MAN2C1: variants seen among roughly 807,000 people sequenced by gnomAD.
MAN2C1 encodes mannosidase alpha class 2C member 1.
Under a neutral mutation model 126.9 loss-of-function variants are expected in MAN2C1, and 111 were observed. That is an observed-to-expected ratio of 0.87 (90% confidence interval 0.75 to 1.02). The LOEUF (loss-of-function observed/expected upper bound fraction) is 1.02. Among genes scored for constraint, MAN2C1 ranks in the 50% least tolerant of loss-of-function variants. The pLI, the probability that MAN2C1 is intolerant of heterozygous loss-of-function variation, is 0.00. For missense variants in MAN2C1, 1,363 were observed against 1,364.4 expected (o/e 1.00, Z 0.02); for synonymous variants, 567 against 561.5 (o/e 1.01, Z -0.14).
chr15:75,366,696 T>A (rs974175827), intron 3 of MAN2C1, 104 bp from the exon 4 acceptor site: 2 of 802,506 alleles, frequency 2.5e-6, no homozygotes, highest in Non-Finnish European at 3.9e-6. Context: ...TTCCCAGCTC[T>A]GGGTCCTCTC....
At position 75,359,641 on chromosome 15, in the gene MAN2C1, G is replaced by A. The variant is rs1412022332; in HGVS notation, c.1927C>T (p.Pro643Ser). The A allele has an allele frequency of 1.2e-6, 2 of 1,614,108 alleles. No homozygotes were observed. The highest frequency in any genetic ancestry group is 8.5e-7 in the Non-Finnish European group (1 of 1,180,028). The change falls in exon 16 of 26, where the codon CCG becomes TCG. Residue 643 changes from proline to serine, a missense_variant. Coordinates refer to ENST00000267978, the MANE Select transcript of MAN2C1 (RefSeq NM_006715.4). ...GTACCTAGGCTGTGGGCCCCGCCCG[G>A]TTTGGGCAGGGCCATCACTTCGATC... is the stretch of plus-strand genomic sequence containing the variant. ...KRIEVMALPK[P>S]GGAHSLALVT... is the part of the protein sequence containing the mutation.
chr15:75,368,589 G>A lies in MAN2C1; in HGVS notation c.-6C>T. ...AAGGCCGGCGCAGCCGCCATCGCCG[G>A]GCTCTCGCTCCTCTTTCCGGAAGGC... On this transcript the variant is annotated 5_prime_UTR_variant, in exon 1 of 26. Transcript: ENST00000267978. 2.6e-6 allele frequency: 4 copies of A among 1,538,818 alleles called. No individual in the cohort carries two copies. Among genetic ancestry groups the A allele is most frequent in the Non-Finnish European group, 3.5e-6 (4 of 1,142,680 alleles).
In MAN2C1 at chr15:75,355,903, G is replaced by T. The variant is rs775117015; in HGVS notation, c.*3C>A. Reference sequence around the variant, plus strand: ...CTACAAACAAAACCCCAGCCCCAGGGACTCAGTGTGGCGGAGGCTGAAGCA... The same window carrying T: ...CTACAAACAAAACCCCAGCCCCAGGTACTCAGTGTGGCGGAGGCTGAAGCA... On this transcript the variant is annotated 3_prime_UTR_variant, in exon 26 of 26. Coordinates refer to ENST00000267978, the MANE Select transcript of MAN2C1 (RefSeq NM_006715.4). The T allele has an allele frequency of 6.2e-7, 1 of 1,614,146 alleles. No homozygotes were observed. The highest frequency in any genetic ancestry group is 1.7e-5 in the Admixed American group (1 of 60,028).
At position 75,362,674 on chromosome 15, in the gene MAN2C1, G is replaced by C; in HGVS notation, c.865C>G (p.Arg289Gly). 1 of 1,614,112 alleles carries C rather than the reference G, an allele frequency of 6.2e-7. No individual in the cohort carries two copies. The highest frequency in any genetic ancestry group is 8.5e-7 in the Non-Finnish European group (1 of 1,180,000). Residue 289 changes from arginine to glycine, a missense_variant, in exon 7 of 26, where the codon CGG (arginine) becomes GGG (glycine). Around this residue, in one of 3 missense-constraint regions of MAN2C1, gnomAD observed 628 missense variants for 609.8 expected, o/e 1.03. Coordinates refer to ENST00000267978, the MANE Select transcript of MAN2C1 (RefSeq NM_006715.4). The surrounding 1 kb of genome is among the most constrained non-coding windows in gnomAD (Gnocchi z 4.5). ...CAGGCAAAGATGAACTCAGGGTTCC[G>C]CTCCATGAGCTGCAGGGCGGTCACC... is the stretch of plus-strand genomic sequence containing the variant. The part of the protein sequence containing the change: ...SWVTALQLME[R>G]NPEFIFACSQ...
Position 75,355,796 on chromosome 15 carries a change from C to T in MAN2C1, c.*110G>A, listed in dbSNP as rs2072272973. The T allele has an allele frequency of 1.2e-5, 16 of 1,384,610 alleles. No homozygotes were observed. Among genetic ancestry groups the T allele is most frequent in the East Asian group, 4.8e-5 (2 of 41,266 alleles). The allele number at this position is 1,384,610 out of a possible 1,614,324, so 85.8% of individuals were successfully genotyped here. On this transcript the variant is annotated 3_prime_UTR_variant, in exon 26 of 26. Transcript: ENST00000267978. Reference sequence around the variant, plus strand: ...TAAGGGGACTGAGCAGCAGGGTTCCCGATCCAAGGATTTATTCCACAAGAA... The same window carrying T: ...TAAGGGGACTGAGCAGCAGGGTTCCTGATCCAAGGATTTATTCCACAAGAA...
In MAN2C1 at chr15:75,356,483, A is replaced by G. The variant is rs1401957960; in HGVS notation, c.2738-34T>C. On this transcript the variant is annotated intron_variant, in intron 23 of 25. Transcript: ENST00000267978. The surrounding 1 kb of genome is among the most constrained non-coding windows in gnomAD (Gnocchi z 5.8). ...CGACCAGGAAACAATGCTGGTGGAGAATGGGGGCTACCCTCCCCTGTCCCT... is the reference window on the plus strand; with the variant it reads ...CGACCAGGAAACAATGCTGGTGGAGGATGGGGGCTACCCTCCCCTGTCCCT... 5 of 1,574,816 alleles carry G rather than the reference A, an allele frequency of 3.2e-6. No homozygotes were observed. The highest frequency in any genetic ancestry group is 4.3e-6 in the Non-Finnish European group (5 of 1,162,228).
In MAN2C1 at chr15:75,359,987, G is replaced by A; in HGVS notation, c.1708C>T (p.Leu570Phe). ...TCATGGAACTGGTTCAGAAGAAGGA[G>A]CCTGCAGGGGCCAAGGGCAGGGATG... ...PAAQLQHLWR[L>F]LLLNQFHDVV... The change falls in exon 15 of 26, where the codon CTC becomes TTC. Residue 570 changes from leucine (L) to phenylalanine (F), a missense_variant and splice_region_variant. Around this residue, in one of 3 missense-constraint regions of MAN2C1, gnomAD observed 668 missense variants for 650.1 expected, o/e 1.03. Coordinates refer to ENST00000267978, the MANE Select transcript of MAN2C1 (RefSeq NM_006715.4). 9 of 1,614,102 alleles carry A rather than the reference G, an allele frequency of 5.6e-6. No homozygotes were observed. Among genetic ancestry groups the A allele is most frequent in the Non-Finnish European group, 7.6e-6 (9 of 1,179,974 alleles).
intron 3 of MAN2C1, among the ~76,000 whole-genome samples, chr15:75,367,081 A>G (rs1389143897): frequency 2.0e-5 from 3 of 152,072 alleles, no homozygotes; most frequent in Non-Finnish European, 4.4e-5. Context: ...CCAGATTGAG[A>G]GTCAGTCCAA....
In MAN2C1 at chr15:75,364,199, G is replaced by A. The variant is rs1555437093; in HGVS notation, c.601-11C>T. 1.3e-5 allele frequency: 21 copies of A among 1,602,084 alleles called. 1 individual carries two copies. The South Asian group carries it at 2.1e-4, about 16-fold the overall frequency. ...GTCCTTCCCGAGGCCCTGCAGCAGG[G>A]TTCTGCCCCTTAATCCCTTTTTCAA... On this transcript the variant is annotated splice_polypyrimidine_tract_variant and intron_variant, in intron 5 of 25. Coordinates refer to ENST00000267978, the MANE Select transcript of MAN2C1 (RefSeq NM_006715.4).
In MAN2C1 at chr15:75,358,222, A is replaced by G. The variant is rs770101732; in HGVS notation, c.2526T>C (p.Ser842=). 6 of 1,614,016 alleles carry G rather than the reference A, an allele frequency of 3.7e-6. No homozygotes were observed. The African/African-American group carries it at 4.0e-5, about 11-fold the overall frequency. Residue 842 remains serine, a synonymous_variant, in exon 21 of 26, where the codon TCT becomes TCC. Coordinates refer to ENST00000267978, the MANE Select transcript of MAN2C1 (RefSeq NM_006715.4). ...AGACCTCAAATCGAGCCCAGTCCCA[A>G]GAGGTATTGTAGTGGGTAGGTCGCT... The part of the protein sequence containing the change: ...HLQRPTHYNT[S]WDWARFEVWA...
Position 75,358,251 on chromosome 15 carries a change from G to A in MAN2C1, c.2497C>T (p.Leu833=), listed in dbSNP as rs1348903713. 6.2e-7 allele frequency: 1 copy of A among 1,614,180 alleles called. No homozygotes were observed. The highest frequency in any genetic ancestry group is 8.5e-7 in the Non-Finnish European group (1 of 1,180,038). The part of the protein sequence containing the change: ...QATYEIQFGH[L]QRPTHYNTSW... ...GTATTGTAGTGGGTAGGTCGCTGCA[G>A]GTGCCCAAACTGGATCTCATAGGTG... Residue 833 remains leucine, a synonymous_variant, in exon 21 of 26, where the codon CTG becomes TTG. Coordinates refer to ENST00000267978, the MANE Select transcript of MAN2C1 (RefSeq NM_006715.4).
Position 75,362,494 on chromosome 15 carries a change from G to A in MAN2C1, c.898-41C>T, listed in dbSNP as rs2072493808. On this transcript the variant is annotated intron_variant, in intron 7 of 25. Transcript: ENST00000267978. The surrounding 1 kb of genome is among the most constrained non-coding windows in gnomAD (Gnocchi z 4.5). The stretch of plus-strand genomic sequence containing the variant: ...AGGGAGCTGGGACCAGAGTGACAAG[G>A]GCCCCACCCAGGACTGAGCATATGG... 6.4e-7 allele frequency: 1 copy of A among 1,563,848 alleles called. No individual in the cohort carries two copies. The highest frequency in any genetic ancestry group is 2.4e-5 in the East Asian group (1 of 42,544).
chr15:75,359,541 C>G, intron 16 of MAN2C1, 79 bp downstream of exon 16: 1 of 1,577,224 alleles, frequency 6.3e-7, no homozygotes, highest in South Asian at 1.1e-5. Context: ...GCACCCAGAT[C>G]CCTCGGGGTA....
rs532222861 is a variant in MAN2C1 at position 75,367,439 on chromosome 15, C to T, written c.351+72G>A. ...ACTCAGCTGTGGCTTCTCCAGAGTC[C>T]ACAGAAGAAGGGCTGTAGTCATTTC... is the stretch of plus-strand genomic sequence containing the variant. On this transcript the variant is annotated intron_variant, in intron 3 of 25. Coordinates refer to ENST00000267978, the MANE Select transcript of MAN2C1 (RefSeq NM_006715.4). The T allele has an allele frequency of 4.1e-5, 64 of 1,567,974 alleles. No homozygotes were observed. The African/African-American group carries it at 6.5e-4, about 16-fold the overall frequency.
In MAN2C1 at chr15:75,356,389, G is replaced by A. The variant is rs962297249; in HGVS notation, c.2798C>T (p.Ala933Val). The A allele has an allele frequency of 8.7e-6, 14 of 1,611,242 alleles. No homozygotes were observed. The African/African-American group carries it at 1.2e-4, about 14-fold the overall frequency. ...GGGCGCTGGGCTGGGGGCTGGCAGAGCCAACAGGGGGAAGTTTAGGCTGTA... is the reference window on the plus strand; with the variant it reads ...GGGCGCTGGGCTGGGGGCTGGCAGAACCAACAGGGGGAAGTTTAGGCTGTA... Reference protein sequence around the residue: ...AAYSLNFPLLALPAPSPAPAT... With the variant: ...AAYSLNFPLLVLPAPSPAPAT... Residue 933 changes from alanine (A) to valine (V), a missense_variant, in exon 24 of 26, where the codon GCT becomes GTT. Physicochemically the swap from Ala to Val is moderately conservative, Grantham distance 64 (BLOSUM62 0). Transcript: ENST00000267978. The surrounding 1 kb of genome is among the most constrained non-coding windows in gnomAD (Gnocchi z 5.8).
chr15:75,363,431 C>T, intron 6 of MAN2C1: 1 of 411,698 alleles, frequency 2.4e-6, no homozygotes, highest in Non-Finnish European at 4.9e-6. Context: ...ATTGTGACAC[C>T]AACTCTGCCT....
chr15:75,358,761 T>C lies in MAN2C1; in HGVS notation c.2189A>G (p.Asp730Gly). 6.2e-7 allele frequency: 1 copy of C among 1,613,996 alleles called. No homozygotes were observed. Among genetic ancestry groups the C allele is most frequent in the Non-Finnish European group, 8.5e-7 (1 of 1,180,004 alleles). The change falls in exon 19 of 26, where the codon GAT (aspartate) becomes GGT (glycine). Residue 730 changes from aspartate to glycine, a missense_variant. Asp to Gly is a moderately conservative substitution (Grantham distance 94, BLOSUM62 -1). Coordinates refer to ENST00000267978, the MANE Select transcript of MAN2C1 (RefSeq NM_006715.4). The stretch of plus-strand genomic sequence containing the variant: ...TGCATCCCAGTACAAGGGGACATCA[T>C]CAAATAGCACAAACTGGTTCCCCAC... ...GAVGNQFVLF[D>G]DVPLYWDAWD...
Position 75,356,856 on chromosome 15 carries a change from A to G in MAN2C1, c.2594T>C (p.Leu865Pro). The change falls in exon 22 of 26, where the codon CTG becomes CCG. Residue 865 changes from leucine (L) to proline (P), a missense_variant. Physicochemically the swap from Leu to Pro is moderately conservative, Grantham distance 98. This residue lies in a region of MAN2C1 where 668 missense variants were observed against 650.1 expected (regional missense o/e 1.03). Coordinates refer to ENST00000267978, the MANE Select transcript of MAN2C1 (RefSeq NM_006715.4). This position sits in a 1 kb window ranked among gnomAD's most constrained non-coding sequence, Gnocchi z 5.8. ...ATACTTGCAGTCGTTGAGCAGGGCC[A>G]GCCCAAAGCCGTGTTCTGACAGATC... The part of the protein sequence containing the change: ...WMDLSEHGFG[L>P]ALLNDCKYGA... 1 of 1,614,152 alleles carries G rather than the reference A, an allele frequency of 6.2e-7. No individual in the cohort carries two copies. Among genetic ancestry groups the G allele is most frequent in the Non-Finnish European group, 8.5e-7 (1 of 1,180,038 alleles).
chr15:75,356,931 T>C lies in MAN2C1; in HGVS notation c.2548-29A>G, dbSNP rs770189630. 5.7e-6 allele frequency: 9 copies of C among 1,584,158 alleles called. No individual in the cohort carries two copies. In the South Asian group the frequency reaches 8.8e-5, roughly 16 times the overall value. The stretch of plus-strand genomic sequence containing the variant: ...GAGGGCAGATCCAAGACCCACTTGG[T>C]GGCCCTGTGCCCCTCTTTGTGCTCC... On this transcript the variant is annotated intron_variant, in intron 21 of 25. Coordinates refer to ENST00000267978, the MANE Select transcript of MAN2C1 (RefSeq NM_006715.4). This position sits in a 1 kb window ranked among gnomAD's most constrained non-coding sequence, Gnocchi z 5.8.
Sources: allele counts gnomAD v4.1 joint callset (sites outside exome capture counted in the v4.1 genomes callset), GRCh38; gene constraint gnomAD v4.1.1; regional missense constraint gnomAD v4.1.1; non-coding constraint Gnocchi (gnomAD v3.1); transcripts MANE v1.5; gene names NCBI Gene and HGNC (gene_info 2026-07-23, HGNC 2026-07-21).